The following TMEM184B variants were observed in gnomAD, a reference collection of about 807,000 sequenced individuals.
TMEM184B encodes the protein putative MAPK-activating protein FM08.
TMEM184B carries 17 observed loss-of-function variants against 41.8 expected under a neutral mutation model. That is an observed-to-expected ratio of 0.41 (90% CI 0.28 to 0.61). TMEM184B has a LOEUF of 0.61. Ranked by LOEUF, TMEM184B falls within the 20% of genes least tolerant of loss-of-function variation. The pLI is 0.34. For missense variants in TMEM184B, 393 were observed against 557.8 expected (o/e 0.70, Z 2.98); for synonymous variants, 240 against 229.5 (o/e 1.05, Z -0.41).
intron 3 of TMEM184B, among the ~76,000 whole-genome samples, chr22:38,235,386 C>A (rs1372807227): frequency 6.6e-6 from 1 of 152,252 alleles, no homozygotes; most frequent in Non-Finnish European, 1.5e-5. Flanking sequence ...GGCATCTGGG[C>A]TCGTGTCCTT....
chr22:38,272,231 G>A (rs1402916787), intron 1 of TMEM184B, among the ~76,000 whole-genome samples: 2 of 152,242 alleles, frequency 1.3e-5, no homozygotes, highest in Non-Finnish European at 2.9e-5. Flanking sequence ...CTGGAGGTAA[G>A]TGGATCCAAG....
rs767868367 is a variant in TMEM184B, at chr22:38,247,859, T to C, written c.103A>G (p.Met35Val). 2.5e-6 allele frequency: 4 copies of C among 1,613,576 alleles called. No individual in the cohort carries two copies. The highest frequency in any genetic ancestry group is 3.3e-4 in the Middle Eastern group (2 of 6,060). The change falls in exon 2 of 9, where the codon ATG (methionine) becomes GTG (valine). Residue 35 changes from methionine to valine, a missense_variant. By Grantham distance (21) the Met-to-Val change is conservative. This residue lies in a region of TMEM184B where 122 missense variants were observed against 123.7 expected (regional missense o/e 0.99). Transcript: ENST00000361906. ...SVIPEGSPTA[M>V]EQPVFLMTTA... is the part of the protein sequence containing the mutation. ...GTCATCAGGAACACAGGCTGCTCCA[T>C]GGCAGTGGGGCTGCCCTCGGGGATC...
At chr22:38,255,215 G>A (rs1360714866) in intron 1 of TMEM184B, among the ~76,000 whole-genome samples, 2 of 152,236 alleles carry the variant, frequency 1.3e-5, no homozygotes, top group South Asian at 2.1e-4. Context: ...TAGTAGAGAC[G>A]GGGTTTCATC....
intron 8 of TMEM184B, chr22:38,221,976 G>C (rs894709769): frequency 5.6e-6 from 3 of 536,474 alleles, no homozygotes; most frequent in Non-Finnish European, 1.0e-5. Context: ...CTGGCTGCAG[G>C]GAAGGGACCC....
chr22:38,260,988 C>G (rs1394650610), intron 1 of TMEM184B, among the ~76,000 whole-genome samples: 1 of 152,174 alleles, frequency 6.6e-6, no homozygotes, highest in Non-Finnish European at 1.5e-5. Context: ...GGCTTTTGTT[C>G]TCTTATTTAA....
intron 3 of TMEM184B, among the ~76,000 whole-genome samples, chr22:38,240,574 C>A (rs1602418358): frequency 6.6e-6 from 1 of 151,984 alleles, no homozygotes; most frequent in Non-Finnish European, 1.5e-5. Context: ...AAGAAACATA[C>A]AGAAAGACTT....
intron 1 of TMEM184B, among the ~76,000 whole-genome samples, chr22:38,268,744 G>T (rs1211656289): frequency 6.6e-6 from 1 of 152,214 alleles, no homozygotes; most frequent in Non-Finnish European, 1.5e-5. Flanking sequence ...CACTAGACAA[G>T]TGCCCGCCCA....
intron 3 of TMEM184B, among the ~76,000 whole-genome samples, chr22:38,233,587 T>C (rs1374842355): frequency 6.6e-6 from 1 of 152,142 alleles, no homozygotes; most frequent in Non-Finnish European, 1.5e-5. Flanking sequence ...AATCTCCAGA[T>C]GACTCTTCAC....
rs2091212650 is a variant in TMEM184B, at chr22:38,219,882, G to GCACCCACATGCAGGCCTCTGC, written c.*1566_*1586dup. On this transcript the variant is annotated 3_prime_UTR_variant, in exon 9 of 9. Transcript: ENST00000361906. The stretch of plus-strand genomic sequence containing the variant: ...GATGGAGGGGGAGAGCTGGCCTCTG[G>GCACCCACATGCAGGCCTCTGC]CACCCACATGCAGGCCTCTGCCACG... 1 of 985,416 alleles carries GCACCCACATGCAGGCCTCTGC rather than the reference G, an allele frequency of 1.0e-6. No homozygotes were observed. Among genetic ancestry groups the GCACCCACATGCAGGCCTCTGC allele is most frequent in the Non-Finnish European group, 1.2e-6 (1 of 829,944 alleles). The allele number at this position is 985,416 out of a possible 1,614,324, so 61.0% of individuals were successfully genotyped here.
chr22:38,259,810 CTG>C (rs1157422811), intron 1 of TMEM184B, among the ~76,000 whole-genome samples: 2 of 152,212 alleles, frequency 1.3e-5, no homozygotes, highest in Non-Finnish European at 2.9e-5. Context: ...GAGTCTCACT[CTG>C]TGGCCCAGGC....
chr22:38,219,010 T>C (rs1253755340), downstream of TMEM184B, among the ~76,000 whole-genome samples: 1 of 152,180 alleles, frequency 6.6e-6, no homozygotes, highest in East Asian at 1.9e-4. Context: ...GCTGCCAGCA[T>C]GTGGGCCCCA....
chr22:38,271,834 G>A (rs1311821734), intron 1 of TMEM184B, among the ~76,000 whole-genome samples: 1 of 152,174 alleles, frequency 6.6e-6, no homozygotes, highest in African/African-American at 2.4e-5. Flanking sequence ...CAGAGCCTAG[G>A]GGTTCTACCA....
rs2091203107 is a variant in TMEM184B at position 38,219,576 on chromosome 22, G to A, written c.*1893C>T. On this transcript the variant is annotated 3_prime_UTR_variant, in exon 9 of 9. Transcript: ENST00000361906. Reference sequence around the variant, plus strand: ...GTTATGCATCCTAAGGAGGAGGAGGGGATGGAGCGGTCGGGCACATGTTCC... The same window carrying A: ...GTTATGCATCCTAAGGAGGAGGAGGAGATGGAGCGGTCGGGCACATGTTCC... The A allele has an allele frequency of 1.0e-6, 1 of 985,358 alleles. No individual in the cohort carries two copies. The highest frequency in any genetic ancestry group is 1.7e-5 in the African/African-American group (1 of 57,196). The allele number at this position is 985,358 out of a possible 1,614,324, so 61.0% of individuals were successfully genotyped here. A position where few individuals can be genotyped will look rare whatever the true frequency, so the allele number is the denominator to read the frequency against.
intron 1 of TMEM184B, among the ~76,000 whole-genome samples, chr22:38,248,451 C>T (rs1602447475): frequency 6.6e-6 from 1 of 152,252 alleles, no homozygotes; most frequent in Non-Finnish European, 1.5e-5. Flanking sequence ...ATTAAGCCTG[C>T]TTCTGCCACA....
chr22:38,238,754 G>C (rs1193475394), intron 3 of TMEM184B, among the ~76,000 whole-genome samples: 2 of 152,188 alleles, frequency 1.3e-5, no homozygotes, highest in Admixed American at 1.3e-4. Context: ...AACTTGTCCT[G>C]TCCTCTCTTT....
intron 3 of TMEM184B, among the ~76,000 whole-genome samples, chr22:38,232,788 G>A (rs1257427142): frequency 6.6e-6 from 1 of 152,202 alleles, no homozygotes; most frequent in African/African-American, 2.4e-5. Flanking sequence ...CACTAATGCT[G>A]CACTTCTCCC....
chr22:38,247,841 G>A lies in TMEM184B; in HGVS notation c.121C>T (p.Leu41=). The A allele has an allele frequency of 6.2e-7, 1 of 1,613,906 alleles. No individual in the cohort carries two copies. Among genetic ancestry groups the A allele is most frequent in the Non-Finnish European group, 8.5e-7 (1 of 1,179,986 alleles). The stretch of plus-strand genomic sequence containing the variant: ...ATGGCCTGAGCGGCAGTTGTCATCA[G>A]GAACACAGGCTGCTCCATGGCAGTG... ...SPTAMEQPVF[L]MTTAAQAISG... Residue 41 remains leucine (L), a synonymous_variant, in exon 2 of 9, where the codon CTG becomes TTG. Transcript: ENST00000361906.
chr22:38,267,621 C>T lies in TMEM184B; in HGVS notation c.-59+5263G>A, dbSNP rs2092462995. On this transcript the variant is annotated intron_variant, in intron 1 of 8. Coordinates refer to ENST00000361906, the MANE Select transcript of TMEM184B (RefSeq NM_012264.5). ...CTGATTTTTGTATTTTTAGTAGAGA[C>T]GGGGTTTCACCATGTTGGCCAGGCT... 4.6e-5 allele frequency among the ~76,000 whole-genome samples: 7 copies of T among 151,870 alleles called. No homozygotes were observed. In the South Asian group the frequency reaches 6.2e-4, roughly 14 times the overall value.
chr22:38,253,580 T>A (rs1198891991), intron 1 of TMEM184B, among the ~76,000 whole-genome samples: 1 of 151,742 alleles, frequency 6.6e-6, no homozygotes, highest in Non-Finnish European at 1.5e-5. Context: ...CAAAAATAAA[T>A]AAATAAATAA....
Sources: allele counts gnomAD v4.1 joint callset (sites outside exome capture counted in the v4.1 genomes callset), GRCh38; gene constraint gnomAD v4.1.1; regional missense constraint gnomAD v4.1.1; transcripts MANE v1.5; gene names NCBI Gene and HGNC (gene_info 2026-07-23, HGNC 2026-07-21).